The following TANC2 variants were observed in gnomAD, a reference collection of about 807,000 sequenced individuals.
TANC2 encodes protein TANC2.
TANC2 carries 26 observed loss-of-function variants against 210.5 expected under a neutral mutation model. The ratio of observed to expected loss-of-function variants is 0.12; its 90% CI spans 0.09 to 0.17. TANC2 has a LOEUF of 0.17. Ranked by LOEUF, TANC2 falls within the 10% of genes least tolerant of loss-of-function variation. TANC2 has a pLI of 1.00. For synonymous variants in TANC2, 931 were observed against 967.1 expected, an observed-to-expected ratio of 0.96 and a Z score of 0.69; for missense variants, 2,129 against 2,608.9, an observed-to-expected ratio of 0.82 and a Z score of 4.01.
chr17:63,049,453 A>G (rs1489922773), intron 2 of TANC2, among the ~76,000 whole-genome samples: 1 of 152,186 alleles, frequency 6.6e-6, no homozygotes, highest in Non-Finnish European at 1.5e-5. Flanking sequence ...AAGGAGATGC[A>G]GGACAAGCCA....
chr17:63,183,965 C>A lies in TANC2; in HGVS notation c.434-10026C>A, dbSNP rs868632487. On this transcript the variant is annotated intron_variant, in intron 5 of 27. Transcript: ENST00000689528. ...CCGGGAGGCGGAGCCTGCAGTGAGC[C>A]GAGATCGCGCCACTGCACTCCAACC... Among the ~76,000 whole-genome samples, 14 of 151,344 alleles carry A rather than the reference C, an allele frequency of 9.3e-5. No homozygotes were observed. In the South Asian group the frequency reaches 1.2e-3, roughly 13 times the overall value.
At chr17:63,193,802 G>A (rs1344798408) in intron 5 of TANC2, 189 bp from the exon 6 acceptor site, 4 of 522,206 alleles carry the variant, frequency 7.7e-6, no homozygotes, top group South Asian at 6.1e-5. Flanking sequence ...TATTTGATTC[G>A]TGTAAATTTT....
chr17:63,402,329 T>A (rs16946910), intron 19 of TANC2, among the ~76,000 whole-genome samples: 10,427 of 152,266 alleles, frequency 0.068, 1,138 homozygotes, highest in African/African-American at 0.23. Flanking sequence ...AGGACATATC[T>A]CCATTGTGCA....
At chr17:63,381,632 G>T (rs992823011) in intron 15 of TANC2, 4 of 152,130 alleles carry the variant, frequency 2.6e-5, no homozygotes, top group Non-Finnish European at 2.9e-5. Context: ...ATTCATAAAG[G>T]TGATGTTTGT....
At chr17:63,078,087 T>C (rs2036635800) in intron 3 of TANC2, among the ~76,000 whole-genome samples, 1 of 152,174 alleles carries the variant, frequency 6.6e-6, no homozygotes. Context: ...TCGTGTAGAA[T>C]TGATATTATT....
intron 15 of TANC2, among the ~76,000 whole-genome samples, chr17:63,387,514 A>G (rs2047823459): frequency 6.6e-6 from 1 of 152,216 alleles, no homozygotes; most frequent in Non-Finnish European, 1.5e-5. Context: ...GGGTATATGT[A>G]GGTATTCTAG....
chr17:63,134,141 G>C (rs1420237388), intron 4 of TANC2, among the ~76,000 whole-genome samples: 1 of 152,074 alleles, frequency 6.6e-6, no homozygotes, highest in Non-Finnish European at 1.5e-5. Context: ...GTGGGGAGAG[G>C]TGGGGAAAGG....
At chr17:63,312,304 G>T (rs576217549) in intron 9 of TANC2, among the ~76,000 whole-genome samples, 51 of 152,254 alleles carry the variant, frequency 3.3e-4, no homozygotes, top group Non-Finnish European at 4.0e-4. Flanking sequence ...CAAAGACATG[G>T]AATCTCCCTA....
At chr17:63,307,026 C>A (rs1172691169) in intron 9 of TANC2, among the ~76,000 whole-genome samples, 1 of 152,102 alleles carries the variant, frequency 6.6e-6, no homozygotes, top group South Asian at 2.1e-4. Context: ...GTAGCATTTA[C>A]GCTGAAACAA....
At chr17:63,103,931 A>G (rs2037726424) in intron 4 of TANC2, among the ~76,000 whole-genome samples, 1 of 152,202 alleles carries the variant, frequency 6.6e-6, no homozygotes, top group Non-Finnish European at 1.5e-5. Context: ...TGCTGAAAGT[A>G]AAATGTCTTG....
chr17:63,376,830 T>TC (rs1275654680), intron 14 of TANC2, among the ~76,000 whole-genome samples: 18 of 150,044 alleles, frequency 1.2e-4, no homozygotes, highest in African/African-American at 4.4e-4. Flanking sequence ...TTTTTTTTTT[T>TC]TTTTTTAGAT....
intron 4 of TANC2, among the ~76,000 whole-genome samples, chr17:63,147,597 A>G (rs1208155055): frequency 6.6e-6 from 1 of 152,130 alleles, no homozygotes. Flanking sequence ...TGTCTGACCC[A>G]GCTTATCTGG....
At chr17:63,163,590 A>G (rs2040103431) in intron 5 of TANC2, among the ~76,000 whole-genome samples, 2 of 152,320 alleles carry the variant, frequency 1.3e-5, no homozygotes, top group African/African-American at 4.8e-5. Context: ...AATCTTTACC[A>G]CTACCTTTTA....
chr17:63,094,184 A>G (rs909743039), intron 3 of TANC2, among the ~76,000 whole-genome samples: 1 of 151,850 alleles, frequency 6.6e-6, no homozygotes, highest in Admixed American at 6.6e-5. Flanking sequence ...TAGAATTTTT[A>G]CATAGGCAAT....
intron 5 of TANC2, among the ~76,000 whole-genome samples, chr17:63,156,764 G>T (rs1413174282): frequency 6.6e-6 from 1 of 151,274 alleles, no homozygotes; most frequent in Non-Finnish European, 1.5e-5. Context: ...ATGTTGCCTA[G>T]GCATACTGCA....
intron 9 of TANC2, among the ~76,000 whole-genome samples, chr17:63,311,608 T>G (rs2045127124): frequency 6.6e-6 from 1 of 152,170 alleles, no homozygotes; most frequent in African/African-American, 2.4e-5. Flanking sequence ...CCTAAGAGTT[T>G]CCATATGAAT....
chr17:63,369,168 C>T (rs1161592854), intron 14 of TANC2, among the ~76,000 whole-genome samples: 6 of 152,286 alleles, frequency 3.9e-5, no homozygotes, highest in Admixed American at 2.0e-4. Context: ...CTGAATTTCT[C>T]AGAGGAATTA....
chr17:63,317,845 A>G (rs2045361924), intron 10 of TANC2, among the ~76,000 whole-genome samples: 1 of 152,276 alleles, frequency 6.6e-6, no homozygotes. Context: ...AGCTAGAAAG[A>G]CAGAGGGCAT....
At chr17:63,171,172 C>T (rs1421841422) in intron 5 of TANC2, among the ~76,000 whole-genome samples, 1 of 150,522 alleles carries the variant, frequency 6.6e-6, no homozygotes, top group Non-Finnish European at 1.5e-5. Flanking sequence ...TGCACTCCAC[C>T]TCCCAGGTTC....
Sources: gnomAD v4.1 joint callset for allele counts (sites outside exome capture counted in the v4.1 genomes callset) on GRCh38, gnomAD v4.1.1 for gene constraint, MANE v1.5 for transcripts, NCBI Gene and HGNC (gene_info 2026-07-23, HGNC 2026-07-21) for gene names.